ROCK2: variants seen among roughly 807,000 people sequenced by gnomAD.
ROCK2 encodes rho-associated protein kinase 2.
In ROCK2, 61 loss-of-function variants were observed where a neutral mutation model predicts 195.1. The ratio of observed to expected loss-of-function variants is 0.31; its 90% CI spans 0.25 to 0.39. The LOEUF is 0.39. Ranked by LOEUF, ROCK2 falls within the 10% of genes least tolerant of loss-of-function variation. ROCK2 has a pLI of 1.00. For synonymous variants in ROCK2, 504 were observed against 545.5 expected, an observed-to-expected ratio of 0.92 and a Z score of 1.06; for missense variants, 1,109 against 1,637.4, an observed-to-expected ratio of 0.68 and a Z score of 5.57.
At chr2:11,302,457 C>T (rs12692434) in intron 1 of ROCK2, among the ~76,000 whole-genome samples, 122,764 of 152,074 alleles carry the variant, frequency 0.81, 51,196 homozygotes, top group East Asian at 0.99. Flanking sequence ...ACAGGCACCC[C>T]TAACATTATT....
At chr2:11,188,213 C>T (rs1663272465) in intron 32 of ROCK2, among the ~76,000 whole-genome samples, 1 of 149,482 alleles carries the variant, frequency 6.7e-6, no homozygotes, top group Non-Finnish European at 1.5e-5. Context: ...TGGGTTCAAG[C>T]AATTCTCTGC....
intron 32 of ROCK2, among the ~76,000 whole-genome samples, chr2:11,189,257 A>T (rs191029968): frequency 3.1e-4 from 47 of 152,308 alleles, no homozygotes; most frequent in Admixed American, 4.6e-4. Context: ...GACTAATATT[A>T]AACAAACTCA....
intron 1 of ROCK2, among the ~76,000 whole-genome samples, chr2:11,332,142 A>G (rs1039199779): frequency 6.8e-6 from 1 of 147,378 alleles, no homozygotes; most frequent in Non-Finnish European, 1.5e-5. Flanking sequence ...CCCATCTCTT[A>G]AAAAAAAAAC....
chr2:11,227,739 G>C (rs1384588061), intron 5 of ROCK2, among the ~76,000 whole-genome samples: 1 of 151,998 alleles, frequency 6.6e-6, no homozygotes, highest in Admixed American at 6.6e-5. Flanking sequence ...TACAAAATGT[G>C]GTCTTAAGGA....
At chr2:11,309,744 C>A (rs1265793032) in intron 1 of ROCK2, among the ~76,000 whole-genome samples, 1 of 152,122 alleles carries the variant, frequency 6.6e-6, no homozygotes, top group Non-Finnish European at 1.5e-5. Flanking sequence ...CTTTGGGAAG[C>A]TAAGGCAGGA....
In ROCK2 at chr2:11,211,787, C is replaced by T; in HGVS notation, c.2097G>A (p.Gln699=). The part of the protein sequence containing the change: ...DMTYQLKVIQ[Q]SLEQEEAEHK... ...GTTCAGCTTCTTCTTGTTCTAGGCT[C>T]TGCTGTATAACTTTTAGTTGGTATG... Residue 699 remains glutamine, a synonymous_variant, in exon 18 of 33, where the codon CAG becomes CAA. Transcript: ENST00000315872. 6.2e-7 allele frequency: 1 copy of T among 1,612,744 alleles called. No individual in the cohort carries two copies. Among genetic ancestry groups the T allele is most frequent in the Non-Finnish European group, 8.5e-7 (1 of 1,179,448 alleles).
chr2:11,332,426 AT>A (rs1270089723), intron 1 of ROCK2, among the ~76,000 whole-genome samples: 1 of 152,210 alleles, frequency 6.6e-6, no homozygotes, highest in Admixed American at 6.5e-5. Flanking sequence ...ATTTCCTAGC[AT>A]AAAAACAAAA....
At chr2:11,289,313 T>C (rs1263155684) in intron 1 of ROCK2, among the ~76,000 whole-genome samples, 1 of 152,184 alleles carries the variant, frequency 6.6e-6, no homozygotes, top group African/African-American at 2.4e-5. Context: ...TTTTCAAGGA[T>C]TCTAACATTT....
intron 1 of ROCK2, among the ~76,000 whole-genome samples, chr2:11,334,534 TTG>T (rs2148271470): frequency 7.8e-6 from 1 of 128,804 alleles, no homozygotes; most frequent in Admixed American, 8.0e-5. Context: ...AAAAAAAAAA[TTG>T]TTAGTTCATT....
In ROCK2 at chr2:11,317,681, A is replaced by G. The variant is rs542234010; in HGVS notation, c.141+26315T>C. 3.2e-3 allele frequency among the ~76,000 whole-genome samples: 443 copies of G among 136,942 alleles called. 2 individuals carry two copies. The highest frequency in any genetic ancestry group is 7.3e-3 in the Admixed American group (93 of 12,712). The allele number at this position is 136,942 out of a possible 152,430, so 89.8% of individuals were successfully genotyped here. On this transcript the variant is annotated intron_variant, in intron 1 of 32. Transcript: ENST00000315872. The stretch of plus-strand genomic sequence containing the variant: ...TGCACAACGTGCAGGCTTGTTACAT[A>G]TGTATACATGTGCCATGTTCGTGTG...
rs1665763858 is a variant in ROCK2 at position 11,249,837 on chromosome 2, G to C, written c.325-39C>G. ...AAAACACAAAAATTAATACTTTCAT[G>C]TTATGAGAGAAAGGTAAATAGATGA... On this transcript the variant is annotated intron_variant, in intron 3 of 32. Coordinates refer to ENST00000315872, the MANE Select transcript of ROCK2 (RefSeq NM_004850.5). The C allele has an allele frequency of 2.1e-6, 3 of 1,407,216 alleles. No homozygotes were observed. The East Asian group carries it at 7.7e-5, about 36-fold the overall frequency. 87.2% of individuals were successfully genotyped at this position (1,407,216 alleles called of 1,614,324 possible).
intron 3 of ROCK2, among the ~76,000 whole-genome samples, chr2:11,255,218 A>C (rs1572316979): frequency 8.1e-5 from 1 of 12,384 alleles, no homozygotes; most frequent in Non-Finnish European, 3.9e-4. Flanking sequence ...CCCCATCTCA[A>C]AAAAAAAAAA....
intron 5 of ROCK2, among the ~76,000 whole-genome samples, chr2:11,233,121 G>A (rs1409186417): frequency 2.0e-5 from 3 of 152,148 alleles, no homozygotes; most frequent in Non-Finnish European, 4.4e-5. Flanking sequence ...GGCTAAGGAG[G>A]GAGGATCCCT....
intron 4 of ROCK2, among the ~76,000 whole-genome samples, chr2:11,245,506 T>A (rs1172038346): frequency 6.6e-6 from 1 of 151,998 alleles, no homozygotes; most frequent in Non-Finnish European, 1.5e-5. Flanking sequence ...TAAAGAAAAA[T>A]TTTTTAACAA....
intron 17 of ROCK2, 48 bp downstream of exon 17, chr2:11,214,309 A>T (rs779654538): frequency 9.5e-7 from 1 of 1,055,792 alleles, no homozygotes; most frequent in Non-Finnish European, 1.4e-6. Flanking sequence ...TTCTAACCTG[A>T]AAGTCTACTG....
intron 1 of ROCK2, among the ~76,000 whole-genome samples, chr2:11,292,673 G>A (rs1667398237): frequency 6.6e-6 from 1 of 152,222 alleles, no homozygotes; most frequent in South Asian, 2.1e-4. Flanking sequence ...GTACAGATTA[G>A]TGACCAGGAA....
At position 11,192,285 on chromosome 2, in the gene ROCK2, A is replaced by G. The variant is rs1258528044; in HGVS notation, c.4026T>C (p.Ser1342=). The change falls in exon 32 of 33, where the codon AGT becomes AGC. Residue 1342 remains serine (S), a synonymous_variant. Transcript: ENST00000315872. This position sits in a 1 kb window ranked among gnomAD's most constrained non-coding sequence, Gnocchi z 5.0. ...NSTEEQQKWV[S]RLVKKIPKKP... The stretch of plus-strand genomic sequence containing the variant: ...TTTTAGGTATCTTTTTCACCAACCG[A>G]CTAACCCACTTCTGCTGCTCTTCTG... 2 of 1,614,018 alleles carry G rather than the reference A, an allele frequency of 1.2e-6. No individual in the cohort carries two copies. Among genetic ancestry groups the G allele is most frequent in the Non-Finnish European group, 1.7e-6 (2 of 1,179,962 alleles).
At chr2:11,268,488 T>TGTG (rs139318888) in intron 3 of ROCK2, among the ~76,000 whole-genome samples, 138 of 149,764 alleles carry the variant, frequency 9.2e-4, no homozygotes, top group African/African-American at 3.2e-3. Context: ...GTTTTTTTCC[T>TGTG]TGTGTGTGTG....
At chr2:11,283,416 CCGGGCG>C (rs1667078041) in intron 3 of ROCK2, among the ~76,000 whole-genome samples, 1 of 150,094 alleles carries the variant, frequency 6.7e-6, no homozygotes, top group South Asian at 2.1e-4. Context: ...AAAAAATTAG[CCGGGCG>C]CGGTGGCGGG....
Sources: allele counts gnomAD v4.1 joint callset (sites outside exome capture counted in the v4.1 genomes callset), GRCh38; gene constraint gnomAD v4.1.1; non-coding constraint Gnocchi (gnomAD v3.1); transcripts MANE v1.5; gene names NCBI Gene and HGNC (gene_info 2026-07-23, HGNC 2026-07-21).